The following DLG2 variants were observed in gnomAD, a reference collection of about 807,000 sequenced individuals.
DLG2 encodes the protein disks large homolog 2.
A neutral mutation model predicts 132.5 loss-of-function variants in DLG2; 45 were observed. That is an observed-to-expected ratio of 0.34 (90% CI 0.27 to 0.44). The LOEUF is 0.44. Ranked by LOEUF, DLG2 falls within the 20% of genes least tolerant of loss-of-function variation. DLG2 has a pLI of 1.00. For missense variants in DLG2, 1,045 were observed against 1,196.9 expected, an observed-to-expected ratio of 0.87 and a Z score of 1.87; for synonymous variants, 424 against 419.6, an observed-to-expected ratio of 1.01 and a Z score of -0.13.
chr11:83,646,131 T>C (rs950666954), intron 18 of DLG2, among the ~76,000 whole-genome samples: 1 of 152,252 alleles, frequency 6.6e-6, no homozygotes, highest in East Asian at 1.9e-4. Flanking sequence ...TGGAGAACTA[T>C]AGCAGAAACA....
At chr11:83,794,121 A>G (rs770340721) in intron 17 of DLG2, among the ~76,000 whole-genome samples, 15 of 152,192 alleles carry the variant, frequency 9.9e-5, no homozygotes, top group Non-Finnish European at 2.2e-4. Flanking sequence ...CACTGGACCA[A>G]TAATAAAATC....
At chr11:84,574,609 T>C (rs1270459475) in intron 6 of DLG2, among the ~76,000 whole-genome samples, 1 of 152,188 alleles carries the variant, frequency 6.6e-6, no homozygotes, top group Non-Finnish European at 1.5e-5. Context: ...ATGTTAACAC[T>C]CATAAATCCA....
At chr11:84,337,238 C>G (rs961472452) in intron 7 of DLG2, among the ~76,000 whole-genome samples, 1 of 152,144 alleles carries the variant, frequency 6.6e-6, no homozygotes, top group Non-Finnish European at 1.5e-5. Context: ...TGGCCTACTT[C>G]TTAACACAGC....
chr11:84,217,973 GC>G (rs1473333423), intron 8 of DLG2, among the ~76,000 whole-genome samples: 1 of 152,054 alleles, frequency 6.6e-6, no homozygotes, highest in African/African-American at 2.4e-5. Context: ...TTAGAGACCA[GC>G]CTAGCCAACA....
intron 3 of DLG2, among the ~76,000 whole-genome samples, chr11:85,558,618 G>GA (rs2077057092): frequency 6.6e-6 from 1 of 151,838 alleles, no homozygotes; most frequent in Non-Finnish European, 1.5e-5. Flanking sequence ...CCATGAAAAA[G>GA]AATGAAATCA....
chr11:84,874,166 C>T (rs914318370), intron 6 of DLG2, among the ~76,000 whole-genome samples: 1 of 152,176 alleles, frequency 6.6e-6, no homozygotes, highest in South Asian at 2.1e-4. Context: ...TGGGGCATAA[C>T]ACACATGAGG....
chr11:83,753,812 A>T (rs2093468386), intron 18 of DLG2, among the ~76,000 whole-genome samples: 3 of 60,550 alleles, frequency 5.0e-5, no homozygotes, highest in African/African-American at 3.3e-4. Flanking sequence ...CATATATATC[A>T]TATATATATT....
At position 85,475,525 on chromosome 11, in the gene DLG2, CT is replaced by C. The variant is rs1315973376; in HGVS notation, c.40+123131del. 6.6e-5 allele frequency among the ~76,000 whole-genome samples: 10 copies of C among 151,914 alleles called. 1 individual carries two copies. Among genetic ancestry groups the C allele is most frequent in the Non-Finnish European group, 1.5e-4 (10 of 67,902 alleles). On this transcript the variant is annotated intron_variant, in intron 3 of 27. Coordinates refer to ENST00000376104, the MANE Select transcript of DLG2 (RefSeq NM_001142699.3). ...ACATAAAACTATGAAAGCAAGGATG[CT>C]TTGCTAATATAAACTCTATTGCTGT...
At position 83,530,096 on chromosome 11, in the gene DLG2, G is replaced by GTCTA. The variant is rs565535786; in HGVS notation, c.2193+2608_2193+2611dup. Among the ~76,000 whole-genome samples, 147 of 149,960 alleles carry GTCTA rather than the reference G, an allele frequency of 9.8e-4. 1 individual carries two copies. Among genetic ancestry groups the GTCTA allele is most frequent in the East Asian group, 4.3e-3 (22 of 5,168 alleles). ...TCCAACTCTATCTGTCTGTCTGTCT[G>GTCTA]TCTATCTATCTATCTATCTATCCAT... On this transcript the variant is annotated intron_variant, in intron 21 of 27. Transcript: ENST00000376104.
chr11:84,441,196 G>A (rs998540070), intron 7 of DLG2, among the ~76,000 whole-genome samples: 1 of 151,658 alleles, frequency 6.6e-6, no homozygotes, highest in Non-Finnish European at 1.5e-5. Context: ...ACCCAGGATG[G>A]AGTGCAGTGT....
At chr11:85,557,229 C>T (rs1303145105) in intron 3 of DLG2, among the ~76,000 whole-genome samples, 1 of 151,780 alleles carries the variant, frequency 6.6e-6, no homozygotes, top group Non-Finnish European at 1.5e-5. Flanking sequence ...ACATAAAATA[C>T]CTAAGACTAC....
intron 8 of DLG2, among the ~76,000 whole-genome samples, chr11:84,169,537 T>A (rs1285227304): frequency 6.6e-6 from 1 of 152,164 alleles, no homozygotes; most frequent in Non-Finnish European, 1.5e-5. Context: ...TGTATAGGAA[T>A]TACCTTAGCT....
intron 8 of DLG2, among the ~76,000 whole-genome samples, chr11:84,243,566 A>G (rs1254822357): frequency 6.6e-6 from 1 of 152,248 alleles, no homozygotes; most frequent in Non-Finnish European, 1.5e-5. Flanking sequence ...TTAAATATGC[A>G]TACAAATCAC....
At chr11:84,335,148 CA>C (rs1312429508) in intron 7 of DLG2, among the ~76,000 whole-genome samples, 78 of 13,700 alleles carry the variant, frequency 5.7e-3, no homozygotes, top group African/African-American at 0.02. Context: ...AGAAAGCAAG[CA>C]ATAAAGAAAG....
At chr11:84,248,761 G>C (rs1406990677) in intron 8 of DLG2, among the ~76,000 whole-genome samples, 1 of 152,170 alleles carries the variant, frequency 6.6e-6, no homozygotes, top group Non-Finnish European at 1.5e-5. Context: ...CAGCTACTCG[G>C]GAGGCTGAGG....
At chr11:83,838,147 A>T (rs1204741887) in intron 16 of DLG2, among the ~76,000 whole-genome samples, 1 of 152,266 alleles carries the variant, frequency 6.6e-6, no homozygotes, top group East Asian at 1.9e-4. Context: ...TTATTCCTCA[A>T]AAAAATGAAA....
chr11:85,208,718 G>A (rs571666942), intron 4 of DLG2, among the ~76,000 whole-genome samples: 7 of 152,206 alleles, frequency 4.6e-5, no homozygotes, highest in Middle Eastern at 3.4e-3. Flanking sequence ...AACATTATAT[G>A]ATGATTTGCA....
chr11:83,502,740 C>A (rs1407182778), intron 21 of DLG2, among the ~76,000 whole-genome samples: 1 of 152,064 alleles, frequency 6.6e-6, no homozygotes, highest in Admixed American at 6.6e-5. Context: ...ATGGGGCTGG[C>A]CAAAACCTAT....
At chr11:84,000,496 G>A (rs2094290184) in intron 11 of DLG2, among the ~76,000 whole-genome samples, 1 of 151,954 alleles carries the variant, frequency 6.6e-6, no homozygotes, top group Non-Finnish European at 1.5e-5. Context: ...AAGATAATTA[G>A]ACATCCAGAT....
Sources: gnomAD v4.1 joint callset for allele counts (sites outside exome capture counted in the v4.1 genomes callset) on GRCh38, gnomAD v4.1.1 for gene constraint, MANE v1.5 for transcripts, NCBI Gene and HGNC (gene_info 2026-07-23, HGNC 2026-07-21) for gene names.